Variants in RNF13 observed in about 807,000 individuals in gnomAD.
RNF13 encodes the protein E3 ubiquitin-protein ligase RNF13.
In RNF13, 19 loss-of-function variants were observed where a neutral mutation model predicts 37.7. That is an observed-to-expected ratio of 0.50 (90% CI 0.35 to 0.74). The LOEUF (loss-of-function observed/expected upper bound fraction) is 0.74. Among genes scored for constraint, RNF13 ranks in the 30% least tolerant of loss-of-function variants. The pLI is 0.01. For missense variants in RNF13, 375 were observed against 453.0 expected, an observed-to-expected ratio of 0.83 and a Z score of 1.56; for synonymous variants, 144 against 157.8, an observed-to-expected ratio of 0.91 and a Z score of 0.65.
intron 7 of RNF13, among the ~76,000 whole-genome samples, chr3:149,920,192 G>A (rs938774734): frequency 6.6e-6 from 1 of 151,826 alleles, no homozygotes; most frequent in Non-Finnish European, 1.5e-5. Flanking sequence ...TCAGTCTGTG[G>A]CTCATCTGTA....
chr3:149,889,795 C>T (rs1166998701), intron 4 of RNF13, among the ~76,000 whole-genome samples: 1 of 151,932 alleles, frequency 6.6e-6, no homozygotes, highest in Non-Finnish European at 1.5e-5. Flanking sequence ...GCTAGGACTA[C>T]AGGCGTGCAC....
In RNF13 at chr3:149,943,546, T is replaced by C. The variant is rs371323627; in HGVS notation, c.701-16510T>C. The stretch of plus-strand genomic sequence containing the variant: ...ACACATTGTTATCCTCCAAAGCCCA[T>C]AGTTTACCTTAGCGTTTATTCTTGT... On this transcript the variant is annotated intron_variant, in intron 8 of 9. Transcript: ENST00000392894. Among the ~76,000 whole-genome samples the C allele has an allele frequency of 2.6e-4, 40 of 152,324 alleles. No homozygotes were observed. The East Asian group carries it at 4.8e-3, about 18-fold the overall frequency.
At chr3:149,891,589 A>G (rs1335848317) in intron 4 of RNF13, among the ~76,000 whole-genome samples, 3 of 152,178 alleles carry the variant, frequency 2.0e-5, no homozygotes, top group Non-Finnish European at 2.9e-5. Context: ...TAATTTGTTT[A>G]TTGGATGTAA....
intron 5 of RNF13, among the ~76,000 whole-genome samples, chr3:149,901,779 A>G (rs950058479): frequency 3.9e-5 from 6 of 152,210 alleles, no homozygotes; most frequent in African/African-American, 7.2e-5. Context: ...AGTTATGTCT[A>G]GAGAGGAAGA....
At chr3:149,960,667 A>G in intron 9 of RNF13, 73 bp from the exon 10 acceptor site, 4 of 1,425,324 alleles carry the variant, frequency 2.8e-6, no homozygotes, top group Non-Finnish European at 3.8e-6. Flanking sequence ...CACTGAATAA[A>G]TATGGCAAGA....
chr3:149,815,016 G>C (rs1187799827), intron 1 of RNF13, among the ~76,000 whole-genome samples: 1 of 151,990 alleles, frequency 6.6e-6, no homozygotes, highest in African/African-American at 2.4e-5. Context: ...ATCATAGACA[G>C]AATCTTGGTT....
At chr3:149,928,098 T>G (rs1165219908) in intron 8 of RNF13, among the ~76,000 whole-genome samples, 2 of 151,022 alleles carry the variant, frequency 1.3e-5, no homozygotes, top group African/African-American at 4.9e-5. Flanking sequence ...AGACTTAATA[T>G]TGTTAAGATA....
intron 6 of RNF13, 118 bp from the exon 7 acceptor site, chr3:149,911,860 G>A (rs1412984706): frequency 3.1e-6 from 2 of 638,752 alleles, no homozygotes; most frequent in Admixed American, 2.9e-5. Context: ...AATGTATGTA[G>A]TGGATTTAAT....
intron 7 of RNF13, among the ~76,000 whole-genome samples, chr3:149,913,462 G>A (rs1717190654): frequency 6.6e-6 from 1 of 152,112 alleles, no homozygotes; most frequent in African/African-American, 2.4e-5. Context: ...GGAGACTTTT[G>A]TCAAAACTAA....
intron 8 of RNF13, among the ~76,000 whole-genome samples, chr3:149,958,738 C>G (rs1327676170): frequency 6.6e-6 from 1 of 152,138 alleles, no homozygotes; most frequent in African/African-American, 2.4e-5. Context: ...ACAATAATTG[C>G]AGATATATCA....
rs1716254069 is a variant in RNF13 at position 149,905,078 on chromosome 3, G to T, written c.500+2916G>T. ...GTAATGCATAACCTTATGCCTAAGT[G>T]TTTTCATGTTTTTGCCAGTATACTT... On this transcript the variant is annotated intron_variant, in intron 6 of 9. Transcript: ENST00000392894. Among the ~76,000 whole-genome samples, 3 of 152,252 alleles carry T rather than the reference G, an allele frequency of 2.0e-5. No individual in the cohort carries two copies. The South Asian group carries it at 6.2e-4, about 32-fold the overall frequency.
intron 1 of RNF13, among the ~76,000 whole-genome samples, chr3:149,833,756 A>T (rs1559894268): frequency 6.6e-6 from 1 of 152,232 alleles, no homozygotes; most frequent in Non-Finnish European, 1.5e-5. Context: ...CAGAAGTCCT[A>T]GCCAGAGCAA....
At chr3:149,932,502 T>C (rs1476867000) in intron 8 of RNF13, among the ~76,000 whole-genome samples, 1 of 152,182 alleles carries the variant, frequency 6.6e-6, no homozygotes, top group African/African-American at 2.4e-5. Context: ...AACAAATTCT[T>C]AACTTCCAAG....
intron 8 of RNF13, among the ~76,000 whole-genome samples, chr3:149,956,407 A>G (rs1721871576): frequency 6.6e-6 from 1 of 152,206 alleles, no homozygotes; most frequent in Non-Finnish European, 1.5e-5. Context: ...AGCATCAAAG[A>G]TAGGCCTAGG....
At chr3:149,871,035 ATT>A (rs144707628) in intron 3 of RNF13, among the ~76,000 whole-genome samples, 8 of 121,264 alleles carry the variant, frequency 6.6e-5, no homozygotes, top group Admixed American at 1.7e-4. Context: ...CTGTTACCAG[ATT>A]TTTTTTTTTT....
At chr3:149,951,505 A>G (rs1721334641) in intron 8 of RNF13, among the ~76,000 whole-genome samples, 2 of 152,200 alleles carry the variant, frequency 1.3e-5, no homozygotes, top group Non-Finnish European at 2.9e-5. Context: ...AGTTGGTGCT[A>G]TAGGTTGATT....
At chr3:149,925,093 TAAG>T (rs1718504223) in intron 8 of RNF13, among the ~76,000 whole-genome samples, 1 of 152,152 alleles carries the variant, frequency 6.6e-6, no homozygotes, top group Non-Finnish European at 1.5e-5. Flanking sequence ...TTGGAGCTTT[TAAG>T]AACAGAGGTA....
chr3:149,896,722 G>A lies in RNF13; in HGVS notation c.409+1162G>A, dbSNP rs544673233. On this transcript the variant is annotated intron_variant, in intron 5 of 9. Coordinates refer to ENST00000392894, the MANE Select transcript of RNF13 (RefSeq NM_183381.3). ...TTGAACTCCCGACCTCAGGTGATCC[G>A]CCCACCTCAGCCTCCCAAAGTGCTG... Among the ~76,000 whole-genome samples, 5 of 152,026 alleles carry A rather than the reference G, an allele frequency of 3.3e-5. No individual in the cohort carries two copies. The East Asian group carries it at 5.8e-4, about 18-fold the overall frequency.
At chr3:149,939,355 T>G (rs926126182) in intron 8 of RNF13, 4 of 465,076 alleles carry the variant, frequency 8.6e-6, no homozygotes, top group Non-Finnish European at 1.6e-5. Context: ...TGTGGAACTT[T>G]TCTGCCACCT....
Sources: gnomAD v4.1 joint callset for allele counts (sites outside exome capture counted in the v4.1 genomes callset) on GRCh38, gnomAD v4.1.1 for gene constraint, MANE v1.5 for transcripts, NCBI Gene and HGNC (gene_info 2026-07-23, HGNC 2026-07-21) for gene names.